Variants in ARFGAP3 observed in about 807,000 individuals in gnomAD.
The protein encoded by ARFGAP3 is ARF GTPase activating protein 3.
Under a neutral mutation model 75.0 loss-of-function variants are expected in ARFGAP3, and 72 were observed. The ratio of observed to expected loss-of-function variants is 0.96; its 90% confidence interval spans 0.79 to 1.17. The LOEUF (loss-of-function observed/expected upper bound fraction) is 1.17, where lower values mean the gene tolerates loss of function less well. Ranked by LOEUF, ARFGAP3 falls within the 50% of genes most tolerant of loss-of-function variation. The probability of loss-of-function intolerance (pLI) is 0.00; values close to 1 mark genes in which losing one functional copy is unlikely to be tolerated. For synonymous variants in ARFGAP3, 221 were observed against 217.9 expected (o/e 1.01, Z -0.13); for missense variants, 620 against 626.6 (o/e 0.99, Z 0.11).
intron 3 of ARFGAP3, among the ~76,000 whole-genome samples, chr22:42,838,301 CTT>C (rs1180613010): frequency 2.0e-5 from 2 of 98,868 alleles, no homozygotes; most frequent in Non-Finnish European, 2.1e-5. Context: ...TTTTTTTTTT[CTT>C]TTTTTTTTTT....
intron 9 of ARFGAP3, among the ~76,000 whole-genome samples, chr22:42,818,121 T>C (rs1925659747): frequency 2.0e-5 from 3 of 152,238 alleles, no homozygotes; most frequent in Non-Finnish European, 4.4e-5. Flanking sequence ...CCTATTATTG[T>C]ATAATAACAT....
At chr22:42,830,182 ATCATAGC>A (rs747537704) in intron 6 of ARFGAP3, among the ~76,000 whole-genome samples, 10 of 151,970 alleles carry the variant, frequency 6.6e-5, no homozygotes, top group Non-Finnish European at 1.3e-4. Flanking sequence ...CAGTGGTGCA[ATCATAGC>A]TCACTGCAGT....
intron 2 of ARFGAP3, among the ~76,000 whole-genome samples, chr22:42,842,902 C>T (rs1478623656): frequency 1.3e-5 from 2 of 152,224 alleles, no homozygotes; most frequent in East Asian, 3.9e-4. Flanking sequence ...TGGTCATCAT[C>T]AACATGTTCT....
intron 14 of ARFGAP3, among the ~76,000 whole-genome samples, chr22:42,804,522 C>T (rs564419256): frequency 1.6e-4 from 25 of 152,070 alleles, no homozygotes; most frequent in African/African-American, 5.5e-4. Flanking sequence ...GCTGGGACTA[C>T]AGGCACATGC....
chr22:42,806,753 G>A (rs1351605549), intron 14 of ARFGAP3, among the ~76,000 whole-genome samples: 3 of 152,194 alleles, frequency 2.0e-5, no homozygotes, highest in Admixed American at 6.5e-5. Flanking sequence ...ACGGGAGCCC[G>A]GCGCTGTCCA....
intron 15 of ARFGAP3, 102 bp from the exon 16 acceptor site, chr22:42,797,707 T>TGTCAG: frequency 6.2e-7 from 1 of 1,610,814 alleles, no homozygotes. Context: ...CTGCAGCCCA[T>TGTCAG]GTCAGGCATG....
intron 14 of ARFGAP3, among the ~76,000 whole-genome samples, chr22:42,801,900 C>G (rs1924878805): frequency 1.3e-5 from 2 of 151,890 alleles, no homozygotes; most frequent in South Asian, 2.1e-4. Flanking sequence ...GCGGGGCTGT[C>G]TGGGGGAATG....
At chr22:42,853,669 C>T in intron 1 of ARFGAP3, 1 of 174,250 alleles carries the variant, frequency 5.7e-6, no homozygotes, top group Non-Finnish European at 1.3e-5. Context: ...TGGCTATGCA[C>T]CTGCTCCAAT....
At position 42,805,165 on chromosome 22, in the gene ARFGAP3, G is replaced by A. The variant is rs1221081206; in HGVS notation, c.1411+1908C>T. 8.5e-5 allele frequency among the ~76,000 whole-genome samples: 13 copies of A among 152,212 alleles called. No individual in the cohort carries two copies. The East Asian group carries it at 2.3e-3, about 27-fold the overall frequency. On this transcript the variant is annotated intron_variant, in intron 14 of 15. Coordinates refer to ENST00000263245, the MANE Select transcript of ARFGAP3 (RefSeq NM_014570.5). ...GTGCACCTTACAATGACCACGAGGT[G>A]CCAGGAACCAGGGTTGGTTTGGCAT...
chr22:42,802,464 T>G (rs867067339), intron 14 of ARFGAP3, among the ~76,000 whole-genome samples: 19 of 150,442 alleles, frequency 1.3e-4, no homozygotes, highest in South Asian at 2.1e-4. Context: ...TTTTTTTTTT[T>G]TGTATTTTTT....
intron 2 of ARFGAP3, among the ~76,000 whole-genome samples, chr22:42,842,598 G>A (rs997904161): frequency 1.1e-4 from 17 of 151,652 alleles, no homozygotes; most frequent in African/African-American, 3.6e-4. Context: ...AGAGGCGTGC[G>A]GAACCACACC....
intron 5 of ARFGAP3, among the ~76,000 whole-genome samples, chr22:42,832,162 CAAAAA>C (rs78600056): frequency 1.3e-5 from 1 of 76,006 alleles, no homozygotes; most frequent in African/African-American, 4.1e-5. Flanking sequence ...ATTATAATAG[CAAAAA>C]AAAAAAAAAA....
chr22:42,817,704 A>T (rs746081299), intron 10 of ARFGAP3, 25 bp downstream of exon 10: 1 of 1,556,930 alleles, frequency 6.4e-7, no homozygotes, highest in Non-Finnish European at 8.8e-7. Context: ...TTAAATTCTA[A>T]CTCCAAGAAA....
intron 10 of ARFGAP3, 128 bp downstream of exon 10, chr22:42,817,601 A>G: frequency 1.1e-6 from 1 of 875,820 alleles, no homozygotes; most frequent in Non-Finnish European, 1.7e-6. Flanking sequence ...CAAAGCAAAA[A>G]TAATTAGAGA....
intron 9 of ARFGAP3, among the ~76,000 whole-genome samples, chr22:42,820,451 C>T (rs113938896): frequency 1.3e-5 from 2 of 152,266 alleles, no homozygotes; most frequent in African/African-American, 4.8e-5. Context: ...TCCATCTTAG[C>T]GAACCGTCAG....
Position 42,810,943 on chromosome 22 carries a change from A to G in ARFGAP3, c.1066T>C (p.Tyr356His). The stretch of plus-strand genomic sequence containing the variant: ...CTTAACTCCACTGGCTCGTCAAAGT[A>G]ACTGTAGGAGCAAGAGTACAACAGT... ...DDSYFTSSSS[Y>H]FDEPVELRSS... The change falls in exon 12 of 16, where the codon TAC becomes CAC. Residue 356 changes from tyrosine (Y) to histidine (H), a missense_variant and splice_region_variant. Coordinates refer to ENST00000263245, the MANE Select transcript of ARFGAP3 (RefSeq NM_014570.5). The G allele has an allele frequency of 3.1e-6, 5 of 1,613,962 alleles. No individual in the cohort carries two copies. The highest frequency in any genetic ancestry group is 4.2e-6 in the Non-Finnish European group (5 of 1,179,860).
intron 14 of ARFGAP3, among the ~76,000 whole-genome samples, chr22:42,803,866 T>TTTCCTTCC (rs886959131): frequency 2.6e-5 from 4 of 151,754 alleles, no homozygotes; most frequent in East Asian, 1.9e-4. Context: ...GAACTGATTG[T>TTTCCTTCC]TTCCTTCCTT....
intron 14 of ARFGAP3, among the ~76,000 whole-genome samples, chr22:42,805,184 T>C (rs1448930462): frequency 1.3e-5 from 2 of 152,118 alleles, no homozygotes; most frequent in East Asian, 1.9e-4. Flanking sequence ...CAGGGTTGGT[T>C]TGGCATCCAC....
intron 1 of ARFGAP3, among the ~76,000 whole-genome samples, chr22:42,849,340 G>A (rs917112752): frequency 9.9e-5 from 15 of 152,152 alleles, no homozygotes; most frequent in East Asian, 1.9e-4. Flanking sequence ...TACCTCCACT[G>A]CCTCACTCTG....
Sources: allele counts gnomAD v4.1 joint callset (sites outside exome capture counted in the v4.1 genomes callset), GRCh38; gene constraint gnomAD v4.1.1; transcripts MANE v1.5; gene names NCBI Gene and HGNC (gene_info 2026-07-23, HGNC 2026-07-21).